The following PAK5 variants were observed in gnomAD, a reference collection of about 807,000 sequenced individuals.
PAK5 encodes serine/threonine-protein kinase PAK 5.
Under a neutral mutation model 65.9 loss-of-function variants are expected in PAK5, and 16 were observed. The observed-to-expected ratio is 0.24, with a 90% confidence interval of 0.16 to 0.37. The LOEUF (loss-of-function observed/expected upper bound fraction) is 0.37. Ranked by LOEUF, PAK5 falls within the 10% of genes least tolerant of loss-of-function variation. The probability of loss-of-function intolerance (pLI) is 1.00; values close to 1 mark genes in which losing one functional copy is unlikely to be tolerated. For synonymous variants in PAK5, 371 were observed against 354.9 expected (o/e 1.05, Z -0.51); for missense variants, 785 against 903.9 (o/e 0.87, Z 1.69).
chr20:9,608,254 C>T (rs2046492088), intron 3 of PAK5, among the ~76,000 whole-genome samples: 2 of 152,200 alleles, frequency 1.3e-5, no homozygotes, highest in South Asian at 4.1e-4. Flanking sequence ...AGGTAGGTAA[C>T]ACACTATGGT....
At chr20:9,772,207 G>C (rs1211691717) in intron 1 of PAK5, among the ~76,000 whole-genome samples, 1 of 152,164 alleles carries the variant, frequency 6.6e-6, no homozygotes, top group Admixed American at 6.5e-5. Flanking sequence ...AAAGGTAATG[G>C]ATGAGAGCAG....
At chr20:9,688,978 C>G (rs545687379) in intron 2 of PAK5, among the ~76,000 whole-genome samples, 61 of 152,242 alleles carry the variant, frequency 4.0e-4, no homozygotes, top group African/African-American at 1.1e-3. Flanking sequence ...AATGTGGACT[C>G]AGTCATATGA....
intron 2 of PAK5, among the ~76,000 whole-genome samples, chr20:9,687,314 G>A (rs979948806): frequency 1.3e-5 from 2 of 152,204 alleles, no homozygotes; most frequent in African/African-American, 2.4e-5. Flanking sequence ...TTTTTAGGAA[G>A]CTTGAGTCAC....
chr20:9,700,489 A>G (rs1409999346), intron 2 of PAK5, among the ~76,000 whole-genome samples: 1 of 152,174 alleles, frequency 6.6e-6, no homozygotes, highest in South Asian at 2.1e-4. Flanking sequence ...TCTGTTGTTG[A>G]ACTTCTGGCT....
intron 3 of PAK5, among the ~76,000 whole-genome samples, chr20:9,602,551 T>C (rs1213784912): frequency 1.3e-5 from 2 of 152,208 alleles, no homozygotes; most frequent in Non-Finnish European, 2.9e-5. Context: ...TCAGTCAGTT[T>C]CTGAGAATCT....
chr20:9,728,119 C>T (rs541406358), intron 1 of PAK5, among the ~76,000 whole-genome samples: 1 of 152,070 alleles, frequency 6.6e-6, no homozygotes, highest in South Asian at 2.1e-4. Context: ...GAGGGCCCTG[C>T]CCTCATGGAC....
At chr20:9,765,685 C>T (rs1319414187) in intron 1 of PAK5, among the ~76,000 whole-genome samples, 1 of 152,128 alleles carries the variant, frequency 6.6e-6, no homozygotes, top group Non-Finnish European at 1.5e-5. Context: ...CTGCCCAACC[C>T]TCCTGCTAAG....
chr20:9,740,633 G>A (rs78137092), intron 1 of PAK5, among the ~76,000 whole-genome samples: 1,659 of 152,262 alleles, frequency 0.011, 11 homozygotes, highest in Non-Finnish European at 0.017. Context: ...ACTTGAGAAC[G>A]TACCTTGGCT....
At chr20:9,606,275 C>T (rs1322161609) in intron 3 of PAK5, among the ~76,000 whole-genome samples, 1 of 152,190 alleles carries the variant, frequency 6.6e-6, no homozygotes, top group African/African-American at 2.4e-5. Flanking sequence ...GTATCTGCTC[C>T]ACCTCTGCCT....
intron 7 of PAK5, among the ~76,000 whole-genome samples, chr20:9,544,825 G>A (rs2045319628): frequency 6.6e-6 from 1 of 152,166 alleles, no homozygotes; most frequent in South Asian, 2.1e-4. Context: ...AAGCCTACAA[G>A]TTTAATATAA....
At chr20:9,630,603 A>G (rs2046908789) in intron 3 of PAK5, among the ~76,000 whole-genome samples, 1 of 152,222 alleles carries the variant, frequency 6.6e-6, no homozygotes, top group Non-Finnish European at 1.5e-5. Context: ...AGTATGAAAT[A>G]AAGGAGGCTT....
At chr20:9,658,401 T>C (rs1325053787) in intron 2 of PAK5, among the ~76,000 whole-genome samples, 1 of 152,200 alleles carries the variant, frequency 6.6e-6, no homozygotes, top group Non-Finnish European at 1.5e-5. Context: ...ATGGGCTTGT[T>C]CTTGTGGTGG....
chr20:9,695,079 C>G (rs1355488013), intron 2 of PAK5, among the ~76,000 whole-genome samples: 1 of 151,988 alleles, frequency 6.6e-6, no homozygotes, highest in Admixed American at 6.6e-5. Flanking sequence ...GATTGTCATT[C>G]TGGTGGGTGT....
At chr20:9,745,976 G>A (rs1295306322) in intron 1 of PAK5, among the ~76,000 whole-genome samples, 1 of 152,100 alleles carries the variant, frequency 6.6e-6, no homozygotes, top group African/African-American at 2.4e-5. Flanking sequence ...GTAATCAAGA[G>A]AGGATATGCA....
intron 1 of PAK5, among the ~76,000 whole-genome samples, chr20:9,768,966 G>C (rs989309949): frequency 3.3e-5 from 5 of 152,056 alleles, no homozygotes; most frequent in African/African-American, 1.2e-4. Flanking sequence ...TTTCAGTTTT[G>C]CTATCTAATT....
intron 3 of PAK5, among the ~76,000 whole-genome samples, chr20:9,640,603 C>G (rs2047043425): frequency 6.6e-6 from 1 of 152,172 alleles, no homozygotes; most frequent in Non-Finnish European, 1.5e-5. Context: ...TCACTGACTT[C>G]AAGAATGAAG....
At chr20:9,721,346 T>C (rs991809096) in intron 1 of PAK5, among the ~76,000 whole-genome samples, 3 of 152,010 alleles carry the variant, frequency 2.0e-5, no homozygotes, top group Admixed American at 2.0e-4. Context: ...GCTCCACAGC[T>C]ATATAGGAGC....
chr20:9,539,490 G>C lies in PAK5; in HGVS notation c.2132C>G (p.Pro711Arg). ...KLAGPPSCIV[P>R]LMRQYRHH ...GTGATGCCTGTATTGTCTCATGAGGGGGACGATGCAAGACGGTGGACCTGC... is the reference window on the plus strand; with the variant it reads ...GTGATGCCTGTATTGTCTCATGAGGCGGACGATGCAAGACGGTGGACCTGC... The change falls in exon 10 of 10, where the codon CCC (proline) becomes CGC (arginine). Residue 711 changes from proline to arginine, a missense_variant. Around this residue, in one of 4 missense-constraint regions of PAK5, gnomAD observed 110 missense variants for 107.4 expected, o/e 1.02. Transcript: ENST00000353224. 1 of 1,614,070 alleles carries C rather than the reference G, an allele frequency of 6.2e-7. No individual in the cohort carries two copies. The highest frequency in any genetic ancestry group is 8.5e-7 in the Non-Finnish European group (1 of 1,179,984).
chr20:9,641,255 G>A (rs201984656), intron 3 of PAK5, among the ~76,000 whole-genome samples: 5 of 149,884 alleles, frequency 3.3e-5, no homozygotes, highest in African/African-American at 1.2e-4. Flanking sequence ...TGATTGGTGT[G>A]TTTACAAACC....
Sources: gnomAD v4.1 joint callset for allele counts (sites outside exome capture counted in the v4.1 genomes callset) on GRCh38, gnomAD v4.1.1 for gene constraint, gnomAD v4.1.1 regional missense constraint, MANE v1.5 for transcripts, NCBI Gene and HGNC (gene_info 2026-07-23, HGNC 2026-07-21) for gene names.